The following GALNTL6 variants were observed in gnomAD, a reference collection of about 807,000 sequenced individuals.
The protein encoded by GALNTL6 is polypeptide N-acetylgalactosaminyltransferase-like 6.
GALNTL6 carries 46 observed loss-of-function variants against 73.7 expected under a neutral mutation model. The ratio of observed to expected loss-of-function variants is 0.62; its 90% CI spans 0.49 to 0.80. GALNTL6 has a LOEUF of 0.80. Ranked by LOEUF, GALNTL6 falls within the 30% of genes least tolerant of loss-of-function variation. The pLI, the probability that GALNTL6 is intolerant of heterozygous loss-of-function variation, is 0.00. For synonymous variants in GALNTL6, 259 were observed against 263.7 expected, an observed-to-expected ratio of 0.98 and a Z score of 0.17; for missense variants, 604 against 755.0, an observed-to-expected ratio of 0.80 and a Z score of 2.34.
chr4:172,398,241 T>C (rs139307964), intron 5 of GALNTL6, among the ~76,000 whole-genome samples: 127 of 152,286 alleles, frequency 8.3e-4, no homozygotes, highest in African/African-American at 3.1e-3. Flanking sequence ...AAGGAGTTAA[T>C]GTTTATTAAA....
chr4:173,023,319 C>T (rs189317059), intron 12 of GALNTL6, among the ~76,000 whole-genome samples: 14 of 152,286 alleles, frequency 9.2e-5, no homozygotes, highest in Middle Eastern at 3.4e-3. Context: ...ATCCCACCCC[C>T]ACCCAAACAC....
In GALNTL6 at chr4:172,432,776, TA is replaced by T. The variant is rs554960763; in HGVS notation, c.553+84096del. ...AAAACCTTGACAAGTAAATTTGACT[TA>T]AAAAAAAATCTGAACATTCTGACTG... On this transcript the variant is annotated intron_variant, in intron 5 of 12. Transcript: ENST00000506823. Among the ~76,000 whole-genome samples the T allele has an allele frequency of 3.4e-3, 512 of 151,432 alleles. 5 individuals carry two copies. The highest frequency in any genetic ancestry group is 0.01 in the African/African-American group (432 of 41,354).
intron 2 of GALNTL6, among the ~76,000 whole-genome samples, chr4:172,010,283 T>G (rs556611621): frequency 6.6e-6 from 1 of 151,226 alleles, no homozygotes; most frequent in Admixed American, 6.6e-5. Flanking sequence ...AGTAATATTT[T>G]CTAAGAAAAG....
At chr4:172,212,307 A>G (rs990327628) in intron 2 of GALNTL6, among the ~76,000 whole-genome samples, 1 of 151,948 alleles carries the variant, frequency 6.6e-6, no homozygotes, top group African/African-American at 2.4e-5. Flanking sequence ...GATCACAGGC[A>G]CATGCCACCA....
intron 5 of GALNTL6, among the ~76,000 whole-genome samples, chr4:172,738,127 A>C (rs1277204687): frequency 2.6e-5 from 4 of 152,240 alleles, no homozygotes. Flanking sequence ...AGGCAAGGAC[A>C]GTTCTCCTGC....
rs150957524 is a variant in GALNTL6, at chr4:172,948,576, C to T, written c.1150-3461C>T. On this transcript the variant is annotated intron_variant, in intron 9 of 12. Coordinates refer to ENST00000506823, the MANE Select transcript of GALNTL6 (RefSeq NM_001034845.3). ...CAAGTGATTCTCCTGCCTCAGCCTC[C>T]CAAGTAGCTGGGATTACAGGCACCT... Among the ~76,000 whole-genome samples, 589 of 151,622 alleles carry T rather than the reference C, an allele frequency of 3.9e-3. 1 individual carries two copies. Among genetic ancestry groups the T allele is most frequent in the African/African-American group, 0.014 (571 of 41,356 alleles).
At chr4:172,676,992 T>G (rs1208967560) in intron 5 of GALNTL6, among the ~76,000 whole-genome samples, 1 of 152,236 alleles carries the variant, frequency 6.6e-6, no homozygotes, top group Non-Finnish European at 1.5e-5. Flanking sequence ...ACTAAAGACC[T>G]GAAATGCTAG....
intron 4 of GALNTL6, among the ~76,000 whole-genome samples, chr4:172,345,542 G>T (rs759452947): frequency 1.3e-5 from 2 of 152,246 alleles, no homozygotes; most frequent in Non-Finnish European, 2.9e-5. Flanking sequence ...ATAACAAACT[G>T]CAGCCTTCCT....
chr4:172,652,370 T>A (rs969378632), intron 5 of GALNTL6, among the ~76,000 whole-genome samples: 1 of 152,332 alleles, frequency 6.6e-6, no homozygotes, highest in Middle Eastern at 3.4e-3. Context: ...TTACTGAGAT[T>A]TGGAGTATAT....
At chr4:172,837,085 A>G (rs923395269) in intron 7 of GALNTL6, among the ~76,000 whole-genome samples, 22 of 152,320 alleles carry the variant, frequency 1.4e-4, no homozygotes, top group African/African-American at 4.6e-4. Context: ...AATAGCTCTC[A>G]GTTATCTATG....
At chr4:172,843,757 C>T (rs1268873303) in intron 7 of GALNTL6, among the ~76,000 whole-genome samples, 1 of 152,144 alleles carries the variant, frequency 6.6e-6, no homozygotes, top group Non-Finnish European at 1.5e-5. Context: ...AGTTCAACAG[C>T]CATTTAAAAA....
At chr4:172,409,854 T>C (rs1038849841) in intron 5 of GALNTL6, among the ~76,000 whole-genome samples, 2 of 152,042 alleles carry the variant, frequency 1.3e-5, no homozygotes, top group East Asian at 3.8e-4. Flanking sequence ...GTATTTTAAC[T>C]GAAAAGAAAG....
At chr4:172,391,930 C>T (rs1216855381) in intron 5 of GALNTL6, among the ~76,000 whole-genome samples, 1 of 152,108 alleles carries the variant, frequency 6.6e-6, no homozygotes, top group Non-Finnish European at 1.5e-5. Context: ...AAAGGACACA[C>T]TAATGAGAAA....
intron 3 of GALNTL6, among the ~76,000 whole-genome samples, chr4:172,257,607 G>A (rs1472809612): frequency 6.6e-6 from 1 of 151,296 alleles, no homozygotes; most frequent in African/African-American, 2.4e-5. Context: ...AGAAAGCAGA[G>A]GTGTTTAGTA....
At chr4:172,406,871 CAAGAT>C (rs749590929) in intron 5 of GALNTL6, among the ~76,000 whole-genome samples, 21 of 151,904 alleles carry the variant, frequency 1.4e-4, no homozygotes, top group African/African-American at 4.1e-4. Flanking sequence ...TTCAATAATT[CAAGAT>C]GAGAACCAAA....
chr4:172,622,936 A>T (rs1197512156), intron 5 of GALNTL6, among the ~76,000 whole-genome samples: 3 of 152,156 alleles, frequency 2.0e-5, no homozygotes, highest in Admixed American at 2.0e-4. Flanking sequence ...ATACCAAAAA[A>T]ATTTGTGTTT....
intron 7 of GALNTL6, among the ~76,000 whole-genome samples, chr4:172,850,582 G>A (rs1199411360): frequency 2.0e-5 from 3 of 152,086 alleles, no homozygotes; most frequent in Admixed American, 6.6e-5. Context: ...CCAGATGGGC[G>A]TCCTGTGATT....
intron 5 of GALNTL6, among the ~76,000 whole-genome samples, chr4:172,768,276 G>C (rs1738557280): frequency 6.6e-6 from 1 of 151,960 alleles, no homozygotes; most frequent in African/African-American, 2.4e-5. Context: ...GGAGAGAGAA[G>C]AGGCAGACAA....
Position 173,004,555 on chromosome 4 carries a change from G to A in GALNTL6, c.1372-4623G>A, listed in dbSNP as rs568209559. Among the ~76,000 whole-genome samples, 5 of 152,254 alleles carry A rather than the reference G, an allele frequency of 3.3e-5. No individual in the cohort carries two copies. In the South Asian group the frequency reaches 6.2e-4, roughly 19 times the overall value. On this transcript the variant is annotated intron_variant, in intron 10 of 12. Coordinates refer to ENST00000506823, the MANE Select transcript of GALNTL6 (RefSeq NM_001034845.3). ...GCAGGAAGATTGCTTGAACCCAGGA[G>A]GTGGAGATTGCAGTGAGCCGAGATT...
Sources: gnomAD v4.1 joint callset for allele counts (sites outside exome capture counted in the v4.1 genomes callset) on GRCh38, gnomAD v4.1.1 for gene constraint, MANE v1.5 for transcripts, NCBI Gene and HGNC (gene_info 2026-07-23, HGNC 2026-07-21) for gene names.